The following PARM1 variants were observed in gnomAD, a reference collection of about 807,000 sequenced individuals.
PARM1 encodes the protein prostate androgen-regulated mucin-like protein 1, also known as WSC4, cell wall integrity and stress response component 4 homolog.
Under a neutral mutation model 24.6 loss-of-function variants are expected in PARM1, and 14 were observed. The observed-to-expected ratio is 0.57, with a 90% CI of 0.38 to 0.89. The LOEUF (loss-of-function observed/expected upper bound fraction) is 0.89, where lower values mean the gene tolerates loss of function less well. Ranked by LOEUF, PARM1 falls within the 40% of genes least tolerant of loss-of-function variation. The pLI is 0.00. For synonymous variants in PARM1, 179 were observed against 156.6 expected (o/e 1.14, Z -1.07); for missense variants, 362 against 380.4 (o/e 0.95, Z 0.40).
chr4:75,011,876 T>C (rs182888731), intron 1 of PARM1, among the ~76,000 whole-genome samples: 4 of 152,310 alleles, frequency 2.6e-5, no homozygotes, highest in Admixed American at 2.0e-4. Context: ...ATATCCCTTA[T>C]ATCCCTGTGC....
At chr4:75,007,758 T>A (rs1285978204) in intron 1 of PARM1, among the ~76,000 whole-genome samples, 1 of 152,174 alleles carries the variant, frequency 6.6e-6, no homozygotes, top group Non-Finnish European at 1.5e-5. Flanking sequence ...TAAAGTTAGA[T>A]GAGATCATGT....
chr4:75,036,095 A>T (rs1723364803), intron 3 of PARM1, among the ~76,000 whole-genome samples: 1 of 152,216 alleles, frequency 6.6e-6, no homozygotes, highest in Non-Finnish European at 1.5e-5. Flanking sequence ...CCAAAAAGGA[A>T]CTTACACATA....
chr4:74,989,784 T>C lies in PARM1; in HGVS notation c.44-22641T>C, dbSNP rs1722428746. On this transcript the variant is annotated intron_variant, in intron 1 of 3. Transcript: ENST00000307428. ...GAGTTGCCAGCCACCAGTCATCTCG[T>C]GAGCACACAAAAGACACTATTATCA... is the stretch of plus-strand genomic sequence containing the variant. Among the ~76,000 whole-genome samples the C allele has an allele frequency of 2.6e-5, 4 of 152,270 alleles. No individual in the cohort carries two copies. The South Asian group carries it at 8.3e-4, about 32-fold the overall frequency.
chr4:74,940,002 C>T (rs2109979908), intron 1 of PARM1, among the ~76,000 whole-genome samples: 1 of 152,250 alleles, frequency 6.6e-6, no homozygotes, highest in East Asian at 1.9e-4. Flanking sequence ...AGGTGTTAAA[C>T]ATGAAAGGAA....
At chr4:74,991,580 G>T (rs376569103) in intron 1 of PARM1, among the ~76,000 whole-genome samples, 43 of 152,288 alleles carry the variant, frequency 2.8e-4, no homozygotes, top group African/African-American at 1.0e-3. Flanking sequence ...GTACTGATGA[G>T]CGCATACTTA....
chr4:75,012,686 C>T lies in PARM1; in HGVS notation c.305C>T (p.Thr102Ile), dbSNP rs764779651. ...GGTTCGAATTGGGAAGGCACAAACA[C>T]AGACCCCTCACCTTCTGGGTTCTCG... is the stretch of plus-strand genomic sequence containing the variant. ...SPGSNWEGTN[T>I]DPSPSGFSST... The change falls in exon 2 of 4, where the codon ACA becomes ATA. Residue 102 changes from threonine to isoleucine, a missense_variant. Thr to Ile is a moderately conservative substitution (Grantham distance 89). Transcript: ENST00000307428. The T allele has an allele frequency of 1.2e-6, 2 of 1,613,990 alleles. No homozygotes were observed. Among genetic ancestry groups the T allele is most frequent in the South Asian group, 2.2e-5 (2 of 91,074 alleles).
At position 75,033,873 on chromosome 4, in the gene PARM1, T is replaced by G; in HGVS notation, c.770-10T>G. 6.3e-7 allele frequency: 1 copy of G among 1,590,628 alleles called. No individual in the cohort carries two copies. Among genetic ancestry groups the G allele is most frequent in the South Asian group, 1.2e-5 (1 of 86,852 alleles). ...TGTATCTTCTTTTCTGTGCCCTTCC[T>G]CCTTCACAGGCAGCATCGCCGCCAT... On this transcript the variant is annotated splice_polypyrimidine_tract_variant and intron_variant, in intron 2 of 3. Coordinates refer to ENST00000307428, the MANE Select transcript of PARM1 (RefSeq NM_015393.4).
chr4:74,971,671 G>C (rs996733841), intron 1 of PARM1, among the ~76,000 whole-genome samples: 1 of 152,110 alleles, frequency 6.6e-6, no homozygotes, highest in Non-Finnish European at 1.5e-5. Context: ...TGAGGGTGAG[G>C]CAAGTCCTCA....
intron 3 of PARM1, 24 bp downstream of exon 3, chr4:75,033,985 A>G (rs1723323237): frequency 6.4e-7 from 1 of 1,563,438 alleles, no homozygotes; most frequent in Admixed American, 1.8e-5. Context: ...TACTCTTAAA[A>G]AAAAGGGATT....
At chr4:75,035,066 A>C (rs538884990) in intron 3 of PARM1, among the ~76,000 whole-genome samples, 2 of 152,002 alleles carry the variant, frequency 1.3e-5, no homozygotes, top group Admixed American at 6.6e-5. Flanking sequence ...CAATCTTGCT[A>C]CTTCCTCCAT....
At chr4:75,016,359 C>T (rs1018925485) in intron 2 of PARM1, among the ~76,000 whole-genome samples, 3 of 152,188 alleles carry the variant, frequency 2.0e-5, no homozygotes, top group African/African-American at 7.2e-5. Flanking sequence ...GTGCCCTCTA[C>T]ATTGCCAGAT....
chr4:75,024,007 C>A (rs889920841), intron 2 of PARM1, among the ~76,000 whole-genome samples: 5 of 152,134 alleles, frequency 3.3e-5, no homozygotes, highest in Non-Finnish European at 7.4e-5. Flanking sequence ...TGCGGTGGCT[C>A]ACGCCTGTAA....
At chr4:74,997,045 A>C (rs919121529) in intron 1 of PARM1, among the ~76,000 whole-genome samples, 1 of 152,208 alleles carries the variant, frequency 6.6e-6, no homozygotes, top group African/African-American at 2.4e-5. Flanking sequence ...CTGGATGAAG[A>C]CTAGTGAATG....
chr4:74,937,969 A>G (rs556138160), intron 1 of PARM1, among the ~76,000 whole-genome samples: 4 of 152,354 alleles, frequency 2.6e-5, no homozygotes, highest in Non-Finnish European at 5.9e-5. Context: ...TATTTCTTCC[A>G]TAGAAACTTT....
At chr4:74,964,728 C>T (rs1253161969) in intron 1 of PARM1, among the ~76,000 whole-genome samples, 1 of 152,078 alleles carries the variant, frequency 6.6e-6, no homozygotes, top group South Asian at 2.1e-4. Context: ...TAATCTGTTC[C>T]TAGACATTTA....
intron 2 of PARM1, among the ~76,000 whole-genome samples, chr4:75,024,948 G>A (rs1424410482): frequency 6.6e-6 from 1 of 152,164 alleles, no homozygotes; most frequent in Non-Finnish European, 1.5e-5. Flanking sequence ...ACCCGCCTTG[G>A]TCTCCCAAAG....
At chr4:75,015,618 C>G (rs78378429) in intron 2 of PARM1, among the ~76,000 whole-genome samples, 4,620 of 152,274 alleles carry the variant, frequency 0.03, 249 homozygotes, top group African/African-American at 0.1. Flanking sequence ...ACAAGTAACT[C>G]TTAATATCAG....
intron 3 of PARM1, among the ~76,000 whole-genome samples, chr4:75,041,234 A>AG (rs1560395688): frequency 6.6e-6 from 1 of 152,236 alleles, no homozygotes; most frequent in African/African-American, 2.4e-5. Context: ...TCAGAAAAAA[A>AG]GAGGAAACGA....
At chr4:75,026,746 A>G (rs900231828) in intron 2 of PARM1, among the ~76,000 whole-genome samples, 1 of 152,176 alleles carries the variant, frequency 6.6e-6, no homozygotes, top group African/African-American at 2.4e-5. Flanking sequence ...TTTGTCACTT[A>G]GTCAGTCCTG....
Sources: allele counts gnomAD v4.1 joint callset (sites outside exome capture counted in the v4.1 genomes callset), GRCh38; gene constraint gnomAD v4.1.1; transcripts MANE v1.5; gene names NCBI Gene and HGNC (gene_info 2026-07-23, HGNC 2026-07-21).